MTG1: variants seen among roughly 807,000 people sequenced by gnomAD.
MTG1 encodes the protein mitochondrial ribosome associated GTPase 1.
A neutral mutation model predicts 39.5 loss-of-function variants in MTG1; 30 were observed. That is an observed-to-expected ratio of 0.76 (90% CI 0.57 to 1.03). The LOEUF (loss-of-function observed/expected upper bound fraction) is 1.03, where lower values mean the gene tolerates loss of function less well. MTG1 is among the 50% of genes least tolerant of loss of function. MTG1 has a pLI of 0.00. For synonymous variants in MTG1, 217 were observed against 179.0 expected, an observed-to-expected ratio of 1.21 and a Z score of -1.69; for missense variants, 513 against 447.4, an observed-to-expected ratio of 1.15 and a Z score of -1.32.
intron 2 of MTG1, 62 bp downstream of exon 2, chr10:133,395,839 C>A: frequency 6.5e-7 from 1 of 1,531,408 alleles, no homozygotes; most frequent in Non-Finnish European, 9.0e-7. Flanking sequence ...ATTAGAATTA[C>A]CTGGGGAGGC....
Position 133,402,467 on chromosome 10 carries a change from C to G in MTG1, c.670+222C>G. On this transcript the variant is annotated intron_variant, in intron 8 of 10. Coordinates refer to ENST00000317502, the MANE Select transcript of MTG1 (RefSeq NM_138384.4). The surrounding 1 kb of genome is among the most constrained non-coding windows in gnomAD (Gnocchi z 4.7). ...TGCCCCATGAGTGGCCTTCCCTTTC[C>G]CCATTTGACGGACCAGGGCAGAGAG... 1 of 694,174 alleles carries G rather than the reference C, an allele frequency of 1.4e-6. No homozygotes were observed. Among genetic ancestry groups the G allele is most frequent in the Non-Finnish European group, 2.4e-6 (1 of 413,264 alleles). The allele number at this position is 694,174 out of a possible 1,614,324, so 43.0% of individuals were successfully genotyped here.
chr10:133,419,290 G>A (rs1175499483), intron 9 of MTG1, among the ~76,000 whole-genome samples, 190 bp from the exon 10 acceptor site: 2 of 152,208 alleles, frequency 1.3e-5, no homozygotes, highest in East Asian at 1.9e-4. Flanking sequence ...CTTAGATAGT[G>A]GCTCTCCCCC....
At chr10:133,411,400 A>C (rs776545223) in intron 9 of MTG1, among the ~76,000 whole-genome samples, 8 of 152,024 alleles carry the variant, frequency 5.3e-5, no homozygotes, top group Non-Finnish European at 1.0e-4. Flanking sequence ...TGAGAGTTTG[A>C]TTATTATATT....
rs1850246863 is a variant in MTG1, at chr10:133,421,941, G to A, written c.*1776G>A. 6.9e-6 allele frequency: 1 copy of A among 145,798 alleles called. No individual in the cohort carries two copies. Among genetic ancestry groups the A allele is most frequent in the African/African-American group, 2.5e-5 (1 of 40,452 alleles). 9.0% of individuals were successfully genotyped at this position (145,798 alleles called of 1,614,324 possible). A position where few individuals can be genotyped will look rare whatever the true frequency, so the allele number is the denominator to read the frequency against. Reference sequence around the variant, plus strand: ...GAACCCCTCCTACCCTGGATGAGTGGGTGACTGGAGAGCTAGAGAACGTGG... The same window carrying A: ...GAACCCCTCCTACCCTGGATGAGTGAGTGACTGGAGAGCTAGAGAACGTGG... On this transcript the variant is annotated 3_prime_UTR_variant, in exon 11 of 11. Transcript: ENST00000317502.
chr10:133,396,122 C>T, intron 2 of MTG1, 41 bp from the exon 3 acceptor site: 5 of 1,588,442 alleles, frequency 3.1e-6, no homozygotes, highest in Non-Finnish European at 4.3e-6. Context: ...AGTTGGTTGG[C>T]TGGTAAAGCT....
intron 9 of MTG1, among the ~76,000 whole-genome samples, chr10:133,409,755 C>T (rs182588017): frequency 1.3e-5 from 2 of 152,274 alleles, no homozygotes; most frequent in East Asian, 3.9e-4. Flanking sequence ...GAATTGACCC[C>T]TTTATCAATC....
intron 9 of MTG1, among the ~76,000 whole-genome samples, chr10:133,418,413 G>A (rs753875044): frequency 8.6e-5 from 13 of 151,662 alleles, no homozygotes; most frequent in South Asian, 2.1e-4. Context: ...GAAACAGTCC[G>A]GTCCTTTCAG....
At chr10:133,415,119 C>T (rs1383288161) in intron 9 of MTG1, among the ~76,000 whole-genome samples, 5 of 152,042 alleles carry the variant, frequency 3.3e-5, no homozygotes, top group African/African-American at 2.4e-5. Context: ...GGCGGCAGTA[C>T]AGTCCAGCTT....
chr10:133,413,666 G>C (rs1392755849), intron 9 of MTG1, among the ~76,000 whole-genome samples: 1 of 152,124 alleles, frequency 6.6e-6, no homozygotes, highest in African/African-American at 2.4e-5. Flanking sequence ...TTTGGGAGAG[G>C]TTGCTTTAGG....
At chr10:133,403,683 TG>T (rs1369064711) in intron 9 of MTG1, among the ~76,000 whole-genome samples, 1 of 152,224 alleles carries the variant, frequency 6.6e-6, no homozygotes, top group Non-Finnish European at 1.5e-5. Context: ...TTGATGGATA[TG>T]TGGGTTGTTT....
At chr10:133,399,322 C>T (rs1014814146) in intron 5 of MTG1, 96 bp downstream of exon 5, 1 of 1,448,380 alleles carries the variant, frequency 6.9e-7, no homozygotes, top group Non-Finnish European at 9.6e-7. Context: ...CGCAGCGCCC[C>T]AGGCAGGGAG....
intron 10 of MTG1, 65 bp downstream of exon 10, chr10:133,419,657 C>T (rs1850196935): frequency 7.4e-7 from 1 of 1,348,150 alleles, no homozygotes; most frequent in South Asian, 1.3e-5. Context: ...CCCCGGCCAT[C>T]CCTGGAGGAG....
rs1849885126 is a variant in MTG1 at position 133,402,009 on chromosome 10, A to G, written c.574-140A>G. ...CTCTGGGGAACCCTGGAGCTTGGTG[A>G]GAGTGACGCTGCCATGGGGTTGGGT... On this transcript the variant is annotated intron_variant, in intron 7 of 10. Transcript: ENST00000317502. This position sits in a 1 kb window ranked among gnomAD's most constrained non-coding sequence, Gnocchi z 4.7. 1 of 862,360 alleles carries G rather than the reference A, an allele frequency of 1.2e-6. No individual in the cohort carries two copies. The allele number at this position is 862,360 out of a possible 1,614,324, so 53.4% of individuals were successfully genotyped here.
In MTG1 at chr10:133,421,905, G is replaced by C. The variant is rs1010289239; in HGVS notation, c.*1740G>C. Reference sequence around the variant, plus strand: ...AGGGTGAGATCCCAAGGCCACGGCGGGGGGCAGGGAGAACCCCTCCTACCC... The same window carrying C: ...AGGGTGAGATCCCAAGGCCACGGCGCGGGGCAGGGAGAACCCCTCCTACCC... On this transcript the variant is annotated 3_prime_UTR_variant, in exon 11 of 11. Coordinates refer to ENST00000317502, the MANE Select transcript of MTG1 (RefSeq NM_138384.4). The C allele has an allele frequency of 1.4e-5, 2 of 146,654 alleles. No homozygotes were observed. The highest frequency in any genetic ancestry group is 4.9e-5 in the African/African-American group (2 of 40,708). 9.1% of individuals were successfully genotyped at this position (146,654 alleles called of 1,614,324 possible).
At chr10:133,419,957 C>A in intron 10 of MTG1, 69 bp from the exon 11 acceptor site, 1 of 1,522,812 alleles carries the variant, frequency 6.6e-7, no homozygotes, top group Non-Finnish European at 8.9e-7. Flanking sequence ...GCTGGTCCCT[C>A]AGGTGGGTAA....
At chr10:133,409,883 G>A (rs535131770) in intron 9 of MTG1, among the ~76,000 whole-genome samples, 4 of 147,442 alleles carry the variant, frequency 2.7e-5, no homozygotes, top group South Asian at 2.1e-4. Flanking sequence ...TCATCTGTAA[G>A]TATAGCTATT....
At chr10:133,396,337 A>G in intron 3 of MTG1, 70 bp downstream of exon 3, 1 of 1,356,984 alleles carries the variant, frequency 7.4e-7, no homozygotes, top group Non-Finnish European at 1.0e-6. Flanking sequence ...GTTCTAACGG[A>G]AGAGTTGCCG....
At chr10:133,406,633 C>G (rs1475926913) in intron 9 of MTG1, among the ~76,000 whole-genome samples, 1 of 150,022 alleles carries the variant, frequency 6.7e-6, no homozygotes, top group Non-Finnish European at 1.5e-5. Flanking sequence ...TTTCTTCTAG[C>G]AGTTTTGAAG....
intron 1 of MTG1, among the ~76,000 whole-genome samples, chr10:133,395,047 C>G (rs1849760166): frequency 6.6e-6 from 1 of 152,116 alleles, no homozygotes; most frequent in South Asian, 2.1e-4. Context: ...ATCATCCCCG[C>G]GAGGTAGCAG....
Sources: gnomAD v4.1 joint callset for allele counts (sites outside exome capture counted in the v4.1 genomes callset) on GRCh38, gnomAD v4.1.1 for gene constraint, Gnocchi (gnomAD v3.1) non-coding constraint, MANE v1.5 for transcripts, NCBI Gene and HGNC (gene_info 2026-07-23, HGNC 2026-07-21) for gene names.